Variants in GTF2I observed in about 807,000 individuals in gnomAD.
The protein encoded by GTF2I is general transcription factor II-I.
Under a neutral mutation model 67.6 loss-of-function variants are expected in GTF2I, and 12 were observed. The observed-to-expected ratio is 0.18, with a 90% CI of 0.11 to 0.29. The LOEUF is 0.29. Among genes scored for constraint, GTF2I ranks in the 10% least tolerant of loss-of-function variants. The probability of loss-of-function intolerance (pLI) is 1.00; values close to 1 mark genes in which losing one functional copy is unlikely to be tolerated. For synonymous variants in GTF2I, 149 were observed against 197.0 expected, an observed-to-expected ratio of 0.76 and a Z score of 2.04; for missense variants, 271 against 580.1, an observed-to-expected ratio of 0.47 and a Z score of 5.47.
At chr7:74,671,079 CTTTTTTTTTTT>C (rs869137920) in intron 1 of GTF2I, among the ~76,000 whole-genome samples, 12 of 61,814 alleles carry the variant, frequency 1.9e-4, no homozygotes, top group African/African-American at 8.6e-4. Flanking sequence ...TGGGCAGATC[CTTTTTTTTTTT>C]TTTTTTTTTT....
chr7:74,704,461 T>G (rs1039840050), intron 6 of GTF2I, among the ~76,000 whole-genome samples: 30 of 151,956 alleles, frequency 2.0e-4, no homozygotes, highest in Middle Eastern at 3.4e-3. Context: ...TGGCTAATTT[T>G]TATATTTTTT....
chr7:74,662,296 GC>G (rs1174973718), intron 1 of GTF2I, among the ~76,000 whole-genome samples: 1 of 129,422 alleles, frequency 7.7e-6, no homozygotes. Flanking sequence ...TGCAACTTAC[GC>G]CCCCCCAGGG....
intron 1 of GTF2I, among the ~76,000 whole-genome samples, chr7:74,676,035 A>C (rs1805875470): frequency 6.6e-6 from 1 of 151,970 alleles, no homozygotes; most frequent in Admixed American, 6.6e-5. Flanking sequence ...CAAACAAACC[A>C]AATAAAAAGA....
intron 12 of GTF2I, among the ~76,000 whole-genome samples, chr7:74,720,312 A>G (rs752401766): frequency 4.9e-4 from 74 of 151,930 alleles, no homozygotes; most frequent in Non-Finnish European, 9.3e-4. Context: ...TCTCTTAATA[A>G]CCTGTCACCT....
chr7:74,720,736 G>A (rs1271937916), intron 12 of GTF2I, among the ~76,000 whole-genome samples: 3 of 132,728 alleles, frequency 2.3e-5, no homozygotes, highest in Non-Finnish European at 4.6e-5. Context: ...GCAGATAGAA[G>A]CTGTATTTTT....
At chr7:74,685,847 A>G (rs1554395372) in intron 1 of GTF2I, among the ~76,000 whole-genome samples, 1 of 150,558 alleles carries the variant, frequency 6.6e-6, no homozygotes, top group Non-Finnish European at 1.5e-5. Flanking sequence ...AGGTCAGGAG[A>G]TCGATACCAT....
chr7:74,724,935 T>C (rs988844333), intron 12 of GTF2I, among the ~76,000 whole-genome samples: 7 of 152,090 alleles, frequency 4.6e-5, no homozygotes, highest in Non-Finnish European at 5.9e-5. Context: ...TCTCAAAAAA[T>C]AAAATAAAAT....
At chr7:74,687,143 G>A (rs1010459788) in intron 1 of GTF2I, among the ~76,000 whole-genome samples, 1 of 151,968 alleles carries the variant, frequency 6.6e-6, no homozygotes, top group Non-Finnish European at 1.5e-5. Flanking sequence ...CACCTGCCAC[G>A]GCCTCCCAAA....
chr7:74,702,733 CTT>C (rs1177346555), intron 6 of GTF2I, among the ~76,000 whole-genome samples: 1 of 149,602 alleles, frequency 6.7e-6, no homozygotes, highest in Non-Finnish European at 1.5e-5. Flanking sequence ...TTCTTTCTTT[CTT>C]TCTTTTTTTT....
chr7:74,671,809 C>A (rs1805480453), intron 1 of GTF2I, among the ~76,000 whole-genome samples: 1 of 151,994 alleles, frequency 6.6e-6, no homozygotes, highest in Non-Finnish European at 1.5e-5. Context: ...TAGTGAGACC[C>A]TGTCTCTACC....
intron 15 of GTF2I, among the ~76,000 whole-genome samples, 188 bp downstream of exon 15, chr7:74,732,850 C>A (rs1357943789): frequency 1.3e-5 from 2 of 149,730 alleles, no homozygotes; most frequent in Non-Finnish European, 3.0e-5. Flanking sequence ...TGTTGGCATT[C>A]GAAGCATGAA....
intron 1 of GTF2I, among the ~76,000 whole-genome samples, chr7:74,665,353 G>GTGA (rs1203754812): frequency 1.3e-5 from 2 of 152,018 alleles, no homozygotes; most frequent in African/African-American, 4.8e-5. Context: ...TCGGGTTCGA[G>GTGA]TGATTCTTGT....
At chr7:74,668,559 A>ATATTTATT (rs587731389) in intron 1 of GTF2I, among the ~76,000 whole-genome samples, 20 of 151,130 alleles carry the variant, frequency 1.3e-4, no homozygotes, top group Non-Finnish European at 1.6e-4. Context: ...CTTAAAGATC[A>ATATTTATT]TATTTATTTA....
chr7:74,700,761 T>C (rs782686488), intron 6 of GTF2I, 127 bp downstream of exon 6: 9 of 915,048 alleles, frequency 9.8e-6, no homozygotes, highest in African/African-American at 1.7e-5. Context: ...ATGGGCTGTT[T>C]AGATGTTTAT....
chr7:74,674,018 T>G (rs915777136), intron 1 of GTF2I, among the ~76,000 whole-genome samples: 2 of 151,548 alleles, frequency 1.3e-5, no homozygotes, highest in Admixed American at 1.3e-4. Flanking sequence ...CTACAAAATT[T>G]AAAAAGCAGG....
intron 14 of GTF2I, among the ~76,000 whole-genome samples, chr7:74,731,837 G>A (rs1160709787): frequency 2.0e-5 from 3 of 150,964 alleles, no homozygotes; most frequent in Non-Finnish European, 4.4e-5. Flanking sequence ...GAGCCGCTGC[G>A]CCCGGCCTCA....
chr7:74,689,006 G>A (rs914363531), intron 1 of GTF2I, 118 bp from the exon 2 acceptor site: 7 of 666,618 alleles, frequency 1.1e-5, no homozygotes, highest in Middle Eastern at 2.5e-4. Context: ...GCCTTATTTT[G>A]TCTCTAGAGC....
At chr7:74,712,183 TCAGGTGATC>T (rs1791634527) in intron 9 of GTF2I, among the ~76,000 whole-genome samples, 1 of 152,118 alleles carries the variant, frequency 6.6e-6, no homozygotes, top group South Asian at 2.1e-4. Context: ...GCTCCTGACC[TCAGGTGATC>T]CACCCGCCTT....
chr7:74,668,895 A>T lies in GTF2I; in HGVS notation c.-6+10827A>T, dbSNP rs1299301955. On this transcript the variant is annotated intron_variant, in intron 1 of 34. Coordinates refer to ENST00000573035, the MANE Select transcript of GTF2I (RefSeq NM_032999.4). ...CTAAGAAGGGATCGTTTAAATTTTTAAAAATACATTAATTTATTTTTATAG... is the reference window on the plus strand; with the variant it reads ...CTAAGAAGGGATCGTTTAAATTTTTTAAAATACATTAATTTATTTTTATAG... Among the ~76,000 whole-genome samples the T allele has an allele frequency of 2.6e-5, 4 of 151,888 alleles. No individual in the cohort carries two copies. In the East Asian group the frequency reaches 5.8e-4, roughly 22 times the overall value.
Sources: allele counts gnomAD v4.1 joint callset (sites outside exome capture counted in the v4.1 genomes callset), GRCh38; gene constraint gnomAD v4.1.1; transcripts MANE v1.5; gene names NCBI Gene and HGNC (gene_info 2026-07-23, HGNC 2026-07-21).